Variants in AHCYL2 observed in about 807,000 individuals in gnomAD.
The protein encoded by AHCYL2 is S-adenosylhomocysteine hydrolase-like protein 2.
A neutral mutation model predicts 81.4 loss-of-function variants in AHCYL2; 28 were observed. The ratio of observed to expected loss-of-function variants is 0.34; its 90% CI spans 0.25 to 0.47. The LOEUF is 0.47. AHCYL2 is among the 20% of genes least tolerant of loss of function. The pLI is 1.00. For missense variants in AHCYL2, 551 were observed against 785.1 expected, an observed-to-expected ratio of 0.70 and a Z score of 3.56; for synonymous variants, 272 against 290.2, an observed-to-expected ratio of 0.94 and a Z score of 0.64.
intron 1 of AHCYL2, among the ~76,000 whole-genome samples, chr7:129,272,722 G>GA (rs1426824566): frequency 6.6e-6 from 1 of 151,966 alleles, no homozygotes; most frequent in Non-Finnish European, 1.5e-5. Flanking sequence ...GCAGAATGTT[G>GA]AAAAAATGTT....
At chr7:129,253,146 G>A (rs1371106071) in intron 1 of AHCYL2, among the ~76,000 whole-genome samples, 1 of 152,000 alleles carries the variant, frequency 6.6e-6, no homozygotes, top group Admixed American at 6.6e-5. Flanking sequence ...GGTGGAGGTT[G>A]CAGTGAGCCG....
At position 129,409,500 on chromosome 7, in the gene AHCYL2, A is replaced by G; in HGVS notation, c.1320A>G (p.Lys440=). ...GTATGGATGGATTTCGACTGGTGAAATTAAATGAGGTCATCCGACAAGTGG... is the reference window on the plus strand; with the variant it reads ...GTATGGATGGATTTCGACTGGTGAAGTTAAATGAGGTCATCCGACAAGTGG... ...QACMDGFRLV[K]LNEVIRQVDI... The change falls in exon 11 of 17, where the codon AAA becomes AAG. Residue 440 remains lysine (K), a synonymous_variant. Transcript: ENST00000325006. The G allele has an allele frequency of 6.2e-7, 1 of 1,613,926 alleles. No homozygotes were observed. Among genetic ancestry groups the G allele is most frequent in the Non-Finnish European group, 8.5e-7 (1 of 1,179,900 alleles).
At chr7:129,248,122 G>C (rs1053191957) in intron 1 of AHCYL2, among the ~76,000 whole-genome samples, 1 of 152,174 alleles carries the variant, frequency 6.6e-6, no homozygotes, top group South Asian at 2.1e-4. Flanking sequence ...TTGAATTGCT[G>C]TGATACCTTT....
chr7:129,231,759 A>G (rs1794449245), intron 1 of AHCYL2, among the ~76,000 whole-genome samples: 3 of 152,228 alleles, frequency 2.0e-5, no homozygotes, highest in African/African-American at 7.2e-5. Flanking sequence ...AGCAGAGCAG[A>G]AAGCGGCAGT....
intron 1 of AHCYL2, among the ~76,000 whole-genome samples, chr7:129,289,500 A>G (rs765774962): frequency 6.6e-6 from 1 of 152,192 alleles, no homozygotes; most frequent in Admixed American, 6.5e-5. Flanking sequence ...TCTTTCATTT[A>G]TTAGCTGGAA....
chr7:129,406,429 G>A lies in AHCYL2; in HGVS notation c.1258G>A (p.Val420Ile), dbSNP rs1796311069. ...GAAAGCCATGGGCTCCATTGTGTAT[G>A]TAACTGAAATTGACCCCATCTGTGC... ...ALKAMGSIVY[V>I]TEIDPICALQ... The change falls in exon 10 of 17, where the codon GTA becomes ATA. Residue 420 changes from valine to isoleucine, a missense_variant. By Grantham distance (29) the Val-to-Ile change is conservative. Around this residue, in one of 2 missense-constraint regions of AHCYL2, gnomAD observed 316 missense variants for 543.1 expected, o/e 0.58. Transcript: ENST00000325006. This position sits in a 1 kb window ranked among gnomAD's most constrained non-coding sequence, Gnocchi z 4.3. 2 of 1,613,922 alleles carry A rather than the reference G, an allele frequency of 1.2e-6. No homozygotes were observed. Among genetic ancestry groups the A allele is most frequent in the African/African-American group, 2.7e-5 (2 of 74,860 alleles).
chr7:129,377,120 T>C (rs902907621), intron 1 of AHCYL2, among the ~76,000 whole-genome samples: 1 of 152,122 alleles, frequency 6.6e-6, no homozygotes, highest in Non-Finnish European at 1.5e-5. Context: ...GATATAAGGG[T>C]GAATAAGAAT....
At chr7:129,276,653 G>C (rs1796216401) in intron 1 of AHCYL2, among the ~76,000 whole-genome samples, 1 of 148,794 alleles carries the variant, frequency 6.7e-6, no homozygotes, top group Non-Finnish European at 1.5e-5. Context: ...GGAGGCTGAG[G>C]CATGAGAATT....
intron 1 of AHCYL2, among the ~76,000 whole-genome samples, chr7:129,268,487 A>G (rs1795894033): frequency 6.6e-6 from 1 of 152,150 alleles, no homozygotes; most frequent in South Asian, 2.1e-4. Context: ...AGCTGGGACT[A>G]CAGGCACGGG....
At chr7:129,398,249 G>A (rs557232138) in intron 5 of AHCYL2, among the ~76,000 whole-genome samples, 1 of 151,846 alleles carries the variant, frequency 6.6e-6, no homozygotes, top group South Asian at 2.1e-4. Context: ...AGCCTCAAGT[G>A]ATCCTCCTGC....
At chr7:129,333,308 C>CAAAA (rs1181621904) in intron 1 of AHCYL2, among the ~76,000 whole-genome samples, 13 of 67,476 alleles carry the variant, frequency 1.9e-4, no homozygotes, top group African/African-American at 5.9e-4. Context: ...CATCTCTACC[C>CAAAA]AAAAAAAAAA....
rs1440290089 is a variant in AHCYL2 at position 129,406,595 on chromosome 7, G to C, written c.1295+129G>C. ...ATGCTGCCACTAACTCTAAGCATCT[G>C]TCTTTTAAAAAGGTCAAGGAGCTCT... On this transcript the variant is annotated intron_variant, in intron 10 of 16. Coordinates refer to ENST00000325006, the MANE Select transcript of AHCYL2 (RefSeq NM_015328.4). This position sits in a 1 kb window ranked among gnomAD's most constrained non-coding sequence, Gnocchi z 4.3. The C allele has an allele frequency of 2.8e-5, 25 of 899,006 alleles. No individual in the cohort carries two copies. The highest frequency in any genetic ancestry group is 4.3e-5 in the Admixed American group (2 of 46,832). The allele number at this position is 899,006 out of a possible 1,614,324, so 55.7% of individuals were successfully genotyped here.
chr7:129,243,653 C>T (rs868634523), intron 1 of AHCYL2, among the ~76,000 whole-genome samples: 123 of 152,080 alleles, frequency 8.1e-4, no homozygotes, highest in Middle Eastern at 3.4e-3. Flanking sequence ...ACCATCTAGA[C>T]TCACTGCAAG....
intron 1 of AHCYL2, chr7:129,375,684 G>A: frequency 7.0e-7 from 1 of 1,419,998 alleles, no homozygotes; most frequent in Non-Finnish European, 9.1e-7. Flanking sequence ...TATTAAATTG[G>A]GGCTGTACTG....
At chr7:129,312,788 A>G (rs1184381387) in intron 1 of AHCYL2, among the ~76,000 whole-genome samples, 1 of 152,164 alleles carries the variant, frequency 6.6e-6, no homozygotes, top group African/African-American at 2.4e-5. Flanking sequence ...ACATTCTTGT[A>G]TACTCTTTCC....
At chr7:129,366,507 C>T (rs1042098608) in intron 1 of AHCYL2, among the ~76,000 whole-genome samples, 2 of 152,154 alleles carry the variant, frequency 1.3e-5, no homozygotes, top group Non-Finnish European at 2.9e-5. Context: ...GTTGGCCAGG[C>T]GTGCTGGCTC....
chr7:129,356,842 A>G (rs1793750046), intron 1 of AHCYL2, among the ~76,000 whole-genome samples: 1 of 152,240 alleles, frequency 6.6e-6, no homozygotes, highest in Non-Finnish European at 1.5e-5. Flanking sequence ...CACCTTCCAC[A>G]TAAAATCCAT....
chr7:129,339,704 T>A lies in AHCYL2; in HGVS notation c.364-39934T>A, dbSNP rs554755805. The stretch of plus-strand genomic sequence containing the variant: ...ATTCTGCCATGCCTTGCTAATTATT[T>A]TTTTTTTTTAGAGATAAGGTCTTGC... On this transcript the variant is annotated intron_variant, in intron 1 of 16. Coordinates refer to ENST00000325006, the MANE Select transcript of AHCYL2 (RefSeq NM_015328.4). Among the ~76,000 whole-genome samples the A allele has an allele frequency of 3.0e-4, 45 of 152,006 alleles. No individual in the cohort carries two copies. The East Asian group carries it at 6.0e-3, about 20-fold the overall frequency.
intron 1 of AHCYL2, among the ~76,000 whole-genome samples, chr7:129,317,468 G>A (rs1310661209): frequency 6.6e-6 from 1 of 152,206 alleles, no homozygotes. Context: ...TAATACCTGT[G>A]AAGGAAGACC....
Sources: gnomAD v4.1 joint callset for allele counts (sites outside exome capture counted in the v4.1 genomes callset) on GRCh38, gnomAD v4.1.1 for gene constraint, gnomAD v4.1.1 regional missense constraint, Gnocchi (gnomAD v3.1) non-coding constraint, MANE v1.5 for transcripts, NCBI Gene and HGNC (gene_info 2026-07-23, HGNC 2026-07-21) for gene names.